ZFHX3: variants seen among roughly 807,000 people sequenced by gnomAD.
The protein encoded by ZFHX3 is zinc finger homeobox protein 3.
ZFHX3 carries 42 observed loss-of-function variants against 279.1 expected under a neutral mutation model. That is an observed-to-expected ratio of 0.15 (90% confidence interval 0.12 to 0.19). The LOEUF (loss-of-function observed/expected upper bound fraction) is 0.19, where lower values mean the gene tolerates loss of function less well. Ranked by LOEUF, ZFHX3 falls within the 10% of genes least tolerant of loss-of-function variation. The probability of loss-of-function intolerance (pLI) is 1.00; values close to 1 mark genes in which losing one functional copy is unlikely to be tolerated. For synonymous variants in ZFHX3, 2,293 were observed against 1,957.8 expected (o/e 1.17, Z -4.52); for missense variants, 4,981 against 4,754.0 (o/e 1.05, Z -1.40).
intron 1 of ZFHX3, among the ~76,000 whole-genome samples, chr16:72,994,698 C>A (rs1963215959): frequency 1.3e-5 from 2 of 152,254 alleles, no homozygotes; most frequent in Admixed American, 1.3e-4. Flanking sequence ...TGCCTCCTAA[C>A]ACTTGTTTGT....
chr16:73,888,942 G>A (rs1181483867), intron 1 of ZFHX3, among the ~76,000 whole-genome samples: 1 of 138,642 alleles, frequency 7.2e-6, no homozygotes, highest in Non-Finnish European at 1.5e-5. Context: ...CTGGTAGCAA[G>A]CCCGCATACT....
At chr16:72,815,571 C>T (rs2036581441) in intron 5 of ZFHX3, among the ~76,000 whole-genome samples, 1 of 152,198 alleles carries the variant, frequency 6.6e-6, no homozygotes, top group Admixed American at 6.5e-5. Flanking sequence ...CTGTCACTAG[C>T]ATACATCGTG....
intron 1 of ZFHX3, among the ~76,000 whole-genome samples, chr16:73,824,459 G>C (rs534551083): frequency 5.2e-5 from 6 of 114,794 alleles, no homozygotes; most frequent in Non-Finnish European, 6.9e-5. Context: ...GTGCAGGTTA[G>C]TTACATATGT....
At chr16:72,792,996 A>C (rs946865669) in intron 9 of ZFHX3, among the ~76,000 whole-genome samples, 7 of 152,252 alleles carry the variant, frequency 4.6e-5, no homozygotes, top group Non-Finnish European at 8.8e-5. Flanking sequence ...TTAGTATGCC[A>C]GGACCCTCAA....
intron 4 of ZFHX3, among the ~76,000 whole-genome samples, chr16:72,854,174 T>C (rs1026440192): frequency 9.9e-5 from 15 of 152,230 alleles, no homozygotes; most frequent in Admixed American, 5.2e-4. Context: ...GCCATAAAGA[T>C]ACTAGCATAA....
intron 3 of ZFHX3, among the ~76,000 whole-genome samples, chr16:73,419,681 C>T (rs1416833676): frequency 6.6e-6 from 1 of 151,906 alleles, no homozygotes; most frequent in Non-Finnish European, 1.5e-5. Context: ...TGAGCTCAAG[C>T]CATCCTCCCA....
intron 1 of ZFHX3, among the ~76,000 whole-genome samples, chr16:73,745,867 T>C (rs1405495376): frequency 6.6e-6 from 1 of 151,958 alleles, no homozygotes; most frequent in Admixed American, 6.6e-5. Context: ...AGTCTTCTCT[T>C]CCTCTTAGGT....
At chr16:73,545,632 G>C (rs1012667772) in intron 2 of ZFHX3, among the ~76,000 whole-genome samples, 1 of 152,026 alleles carries the variant, frequency 6.6e-6, no homozygotes, top group Non-Finnish European at 1.5e-5. Flanking sequence ...TTTAGTTTGT[G>C]CTCTTCTTCT....
intron 2 of ZFHX3, among the ~76,000 whole-genome samples, chr16:73,541,699 G>C (rs1049649166): frequency 6.6e-6 from 1 of 151,154 alleles, no homozygotes; most frequent in Non-Finnish European, 1.5e-5. Flanking sequence ...GAGGCGGCTC[G>C]CGAGGCAAAT....
At chr16:72,870,385 G>A (rs959290397) in intron 4 of ZFHX3, among the ~76,000 whole-genome samples, 1 of 144,944 alleles carries the variant, frequency 6.9e-6, no homozygotes, top group African/African-American at 2.6e-5. Flanking sequence ...GAGCTACAGA[G>A]CTAGACCCTG....
intron 1 of ZFHX3, among the ~76,000 whole-genome samples, chr16:73,745,802 A>T (rs2053698431): frequency 6.6e-6 from 1 of 152,174 alleles, no homozygotes; most frequent in South Asian, 2.1e-4. Context: ...CCCTCTGATT[A>T]TGTCTCTGGT....
intron 8 of ZFHX3, among the ~76,000 whole-genome samples, chr16:73,069,812 T>C (rs1478083649): frequency 1.3e-5 from 2 of 152,146 alleles, no homozygotes; most frequent in Non-Finnish European, 2.9e-5. Context: ...GGTCAGAAAA[T>C]AACTGGTCAT....
chr16:73,412,090 G>A (rs767342639), intron 3 of ZFHX3, among the ~76,000 whole-genome samples: 24 of 152,090 alleles, frequency 1.6e-4, no homozygotes, highest in Admixed American at 2.6e-4. Flanking sequence ...ACTTGGGAGA[G>A]CGAGGCAGGT....
At chr16:73,287,740 C>T (rs866173085) in intron 4 of ZFHX3, among the ~76,000 whole-genome samples, 1 of 125,230 alleles carries the variant, frequency 8.0e-6, no homozygotes, top group African/African-American at 3.1e-5. Context: ...CGGTGTGTGG[C>T]TGTGTGGGTT....
At chr16:73,358,723 T>C (rs2016385725) in intron 3 of ZFHX3, among the ~76,000 whole-genome samples, 1 of 152,244 alleles carries the variant, frequency 6.6e-6, no homozygotes, top group East Asian at 1.9e-4. Context: ...AGATATGGAC[T>C]GTAAAACAAC....
intron 1 of ZFHX3, among the ~76,000 whole-genome samples, chr16:73,858,190 A>T (rs1157672702): frequency 6.6e-6 from 1 of 152,182 alleles, no homozygotes; most frequent in Non-Finnish European, 1.5e-5. Flanking sequence ...CCCCATGCAC[A>T]TGAGGGTTGG....
intron 3 of ZFHX3, among the ~76,000 whole-genome samples, chr16:72,940,529 G>A (rs759239517): frequency 1.2e-4 from 19 of 152,138 alleles, no homozygotes; most frequent in East Asian, 5.8e-4. Flanking sequence ...GGTGTGACAC[G>A]TGCCACCAAG....
At chr16:73,261,761 C>T (rs899251290) in intron 4 of ZFHX3, among the ~76,000 whole-genome samples, 2 of 147,740 alleles carry the variant, frequency 1.4e-5, no homozygotes, top group African/African-American at 2.5e-5. Flanking sequence ...CCGCAACTTC[C>T]GCCTCCCGGG....
At chr16:73,047,138 T>C (rs184717821) in intron 1 of ZFHX3, among the ~76,000 whole-genome samples, 106 of 152,318 alleles carry the variant, frequency 7.0e-4, no homozygotes, top group African/African-American at 2.3e-3. Flanking sequence ...GTTGTTATTG[T>C]TTTTCTGCTA....
Sources: gnomAD v4.1 joint callset for allele counts (sites outside exome capture counted in the v4.1 genomes callset) on GRCh38, gnomAD v4.1.1 for gene constraint, MANE v1.5 for transcripts, NCBI Gene and HGNC (gene_info 2026-07-23, HGNC 2026-07-21) for gene names.